DOCK7: variants seen among roughly 807,000 people sequenced by gnomAD.
DOCK7 encodes dedicator of cytokinesis protein 7.
DOCK7 carries 138 observed loss-of-function variants against 271.0 expected under a neutral mutation model. The ratio of observed to expected loss-of-function variants is 0.51; its 90% CI spans 0.44 to 0.59. DOCK7 has a LOEUF of 0.59. Ranked by LOEUF, DOCK7 falls within the 20% of genes least tolerant of loss-of-function variation. DOCK7 has a pLI of 0.00. For synonymous variants in DOCK7, 823 were observed against 876.1 expected, an observed-to-expected ratio of 0.94 and a Z score of 1.07; for missense variants, 2,066 against 2,592.4, an observed-to-expected ratio of 0.80 and a Z score of 4.41.
intron 11 of DOCK7, chr1:62,629,528 CA>C (rs1211026930): frequency 3.3e-5 from 5 of 152,188 alleles, no homozygotes; most frequent in Middle Eastern, 3.4e-3. Flanking sequence ...CTGGCATAGA[CA>C]AATCTATAGA....
chr1:62,474,338 A>T (rs1186882234), intron 47 of DOCK7, among the ~76,000 whole-genome samples: 1 of 152,190 alleles, frequency 6.6e-6, no homozygotes, highest in Non-Finnish European at 1.5e-5. Flanking sequence ...TCAAGGACTG[A>T]CTACTATGTT....
At chr1:62,473,732 C>T (rs893376190) in intron 48 of DOCK7, among the ~76,000 whole-genome samples, 4 of 152,016 alleles carry the variant, frequency 2.6e-5, no homozygotes, top group Non-Finnish European at 5.9e-5. Context: ...TACAGGCGCA[C>T]AACCTACACT....
chr1:62,502,302 G>C (rs961533919), intron 37 of DOCK7, among the ~76,000 whole-genome samples: 2 of 152,170 alleles, frequency 1.3e-5, no homozygotes, highest in African/African-American at 2.4e-5. Context: ...GCAGCCAATG[G>C]AAGCAACCTC....
chr1:62,580,053 T>G (rs1211674449), intron 16 of DOCK7, among the ~76,000 whole-genome samples: 1 of 152,170 alleles, frequency 6.6e-6, no homozygotes, highest in Non-Finnish European at 1.5e-5. Context: ...CCTTCCATAT[T>G]CAGTGAGTAT....
Position 62,539,555 on chromosome 1 carries a change from C to A in DOCK7, c.3290G>T (p.Cys1097Phe), listed in dbSNP as rs1480512837. 6.2e-7 allele frequency: 1 copy of A among 1,608,898 alleles called. No homozygotes were observed. The highest frequency in any genetic ancestry group is 8.5e-7 in the Non-Finnish European group (1 of 1,178,122). Reference sequence around the variant, plus strand: ...CTAACTATGCATTACCTGTTTATAGCAGGACTTTATAAGGCTAAAAACAAA... The same window carrying A: ...CTAACTATGCATTACCTGTTTATAGAAGGACTTTATAAGGCTAAAAACAAA... ...RGFVFSLIKSCYKQVSSKLYS... is the reference protein window; with the variant it reads ...RGFVFSLIKSFYKQVSSKLYS... The change falls in exon 27 of 50, where the codon TGC becomes TTC. Residue 1097 changes from cysteine (C) to phenylalanine (F), a missense_variant. By Grantham distance (205) the Cys-to-Phe change is radical (BLOSUM62 -2). Around this residue, in one of 2 missense-constraint regions of DOCK7, gnomAD observed 1,414 missense variants for 1,670.4 expected, o/e 0.85. Coordinates refer to ENST00000635253, the MANE Select transcript of DOCK7 (RefSeq NM_001367561.1).
At chr1:62,604,658 T>C in intron 14 of DOCK7, 1 of 1,613,192 alleles carries the variant, frequency 6.2e-7, no homozygotes. Context: ...ATGATGAGTG[T>C]GGAGAAAACA....
chr1:62,600,714 TAAAACTG>T (rs1179773430), intron 14 of DOCK7, among the ~76,000 whole-genome samples: 1 of 151,782 alleles, frequency 6.6e-6, no homozygotes, highest in East Asian at 1.9e-4. Flanking sequence ...CAGTAAGACC[TAAAACTG>T]AAAATTATTA....
At chr1:62,681,160 A>G (rs1254812220) in intron 1 of DOCK7, among the ~76,000 whole-genome samples, 1 of 152,134 alleles carries the variant, frequency 6.6e-6, no homozygotes, top group Non-Finnish European at 1.5e-5. Flanking sequence ...GATAGACTGG[A>G]TGAAGAAAAT....
intron 37 of DOCK7, among the ~76,000 whole-genome samples, chr1:62,498,961 T>C (rs1571304452): frequency 1.3e-5 from 2 of 151,840 alleles, no homozygotes; most frequent in Admixed American, 6.6e-5. Flanking sequence ...GCCACCATGC[T>C]TGGCTAATTT....
At chr1:62,461,995 C>T (rs951733036) in intron 48 of DOCK7, among the ~76,000 whole-genome samples, 1 of 151,150 alleles carries the variant, frequency 6.6e-6, no homozygotes, top group African/African-American at 2.4e-5. Context: ...CGCTTGAACC[C>T]AGGAGGCGGA....
At chr1:62,629,370 T>C (rs1039678657) in intron 11 of DOCK7, 7 of 152,144 alleles carry the variant, frequency 4.6e-5, no homozygotes, top group Non-Finnish European at 7.3e-5. Flanking sequence ...AAATATAGTA[T>C]ATCAATACAA....
intron 22 of DOCK7, among the ~76,000 whole-genome samples, chr1:62,549,160 G>A (rs929541391): frequency 5.3e-5 from 8 of 152,048 alleles, no homozygotes; most frequent in Non-Finnish European, 8.8e-5. Context: ...AGTAAACCAA[G>A]AGGGAAACTA....
chr1:62,554,191 G>A (rs1043436522), intron 21 of DOCK7, among the ~76,000 whole-genome samples: 4 of 152,058 alleles, frequency 2.6e-5, no homozygotes, highest in Non-Finnish European at 4.4e-5. Flanking sequence ...AAGCAAAGGC[G>A]GCTGGGCGTG....
In DOCK7 at chr1:62,528,208, G is replaced by A. The variant is rs914834215; in HGVS notation, c.3879C>T (p.Ile1293=). The change falls in exon 31 of 50, where the codon ATC becomes ATT. Residue 1293 remains isoleucine, a synonymous_variant. Coordinates refer to ENST00000635253, the MANE Select transcript of DOCK7 (RefSeq NM_001367561.1). ...TTAGTTGAGGGACCGATGTCCCTGC[G>A]ATTGCCATGGCAACGGTCTGGCTTA... The part of the protein sequence containing the change: ...SMISQTVAMA[I]AGTSVPQLTR... The A allele has an allele frequency of 3.7e-6, 6 of 1,613,670 alleles. No homozygotes were observed. Among genetic ancestry groups the A allele is most frequent in the African/African-American group, 1.3e-5 (1 of 74,900 alleles).
At chr1:62,662,796 T>G (rs1026226767) in intron 2 of DOCK7, among the ~76,000 whole-genome samples, 1 of 152,042 alleles carries the variant, frequency 6.6e-6, no homozygotes, top group African/African-American at 2.4e-5. Context: ...AATGTAAAAT[T>G]CCAGGATTGA....
At chr1:62,584,540 C>A in intron 15 of DOCK7, 1 of 1,135,406 alleles carries the variant, frequency 8.8e-7, no homozygotes, top group Non-Finnish European at 1.1e-6. Context: ...CCTTTTTTCC[C>A]TCTGAGAAGC....
At chr1:62,646,151 G>A (rs1342257936) in intron 7 of DOCK7, among the ~76,000 whole-genome samples, 6 of 100,454 alleles carry the variant, frequency 6.0e-5, no homozygotes, top group Admixed American at 4.6e-4. Flanking sequence ...GTGAGACTCC[G>A]TCTCAAAAAA....
At chr1:62,481,166 C>G (rs932165490) in intron 43 of DOCK7, among the ~76,000 whole-genome samples, 18 of 152,128 alleles carry the variant, frequency 1.2e-4, no homozygotes, top group African/African-American at 4.1e-4. Context: ...GTGCAAAGAT[C>G]AGGAGGCTAA....
chr1:62,650,487 T>C (rs542578722), intron 4 of DOCK7, among the ~76,000 whole-genome samples: 1 of 152,072 alleles, frequency 6.6e-6, no homozygotes, highest in African/African-American at 2.4e-5. Context: ...CAAAAGAAAC[T>C]ACCATCAGAG....
Sources: allele counts gnomAD v4.1 joint callset (sites outside exome capture counted in the v4.1 genomes callset), GRCh38; gene constraint gnomAD v4.1.1; regional missense constraint gnomAD v4.1.1; transcripts MANE v1.5; gene names NCBI Gene and HGNC (gene_info 2026-07-23, HGNC 2026-07-21).